The following FHIT variants were observed in gnomAD, a reference collection of about 807,000 sequenced individuals.
FHIT encodes bis(5'-adenosyl)-triphosphatase.
In FHIT, 19 loss-of-function variants were observed where a neutral mutation model predicts 17.9. The observed-to-expected ratio is 1.06, with a 90% CI of 0.74 to 1.56. The LOEUF (loss-of-function observed/expected upper bound fraction) is 1.56, where lower values mean the gene tolerates loss of function less well. Ranked by LOEUF, FHIT falls within the 40% of genes most tolerant of loss-of-function variation. The pLI is 0.00. For missense variants in FHIT, 248 were observed against 189.2 expected (o/e 1.31, Z -1.82); for synonymous variants, 81 against 69.7 (o/e 1.16, Z -0.81).
chr3:60,950,281 G>A (rs1708819356), intron 3 of FHIT, among the ~76,000 whole-genome samples: 1 of 152,042 alleles, frequency 6.6e-6, no homozygotes, highest in African/African-American at 2.4e-5. Context: ...TACTATTAAG[G>A]GGGGAAACAC....
intron 5 of FHIT, among the ~76,000 whole-genome samples, chr3:60,247,378 A>G (rs1416992777): frequency 6.6e-6 from 1 of 152,038 alleles, no homozygotes; most frequent in Non-Finnish European, 1.5e-5. Context: ...AAGAAAGAAG[A>G]AAGAAGATAG....
At chr3:60,463,970 G>A (rs1375814978) in intron 5 of FHIT, among the ~76,000 whole-genome samples, 2 of 152,200 alleles carry the variant, frequency 1.3e-5, no homozygotes, top group East Asian at 1.9e-4. Context: ...GTGTGGCAAA[G>A]AGGGATAACA....
intron 5 of FHIT, among the ~76,000 whole-genome samples, chr3:60,316,203 A>C (rs940248312): frequency 5.9e-5 from 9 of 152,218 alleles, no homozygotes; most frequent in African/African-American, 2.2e-4. Flanking sequence ...ATAAAAATAG[A>C]AACTTGACAG....
intron 5 of FHIT, among the ~76,000 whole-genome samples, chr3:60,224,043 T>C (rs563953882): frequency 6.6e-6 from 1 of 152,186 alleles, no homozygotes; most frequent in African/African-American, 2.4e-5. Flanking sequence ...GTGTGAACTA[T>C]ATATAACTTA....
rs183865992 is a variant in FHIT at position 60,554,659 on chromosome 3, A to T, written c.-17-17680T>A. 2.0e-5 allele frequency among the ~76,000 whole-genome samples: 3 copies of T among 152,348 alleles called. No individual in the cohort carries two copies. In the East Asian group the frequency reaches 5.8e-4, roughly 29 times the overall value. On this transcript the variant is annotated intron_variant, in intron 4 of 9. Transcript: ENST00000492590. ...AAGAAACATTGGGTCTTTTACTTTA[A>T]CACTTCTCACATATTATTTTAAAAA... is the stretch of plus-strand genomic sequence containing the variant.
chr3:60,214,202 T>C (rs1162096702), intron 5 of FHIT, among the ~76,000 whole-genome samples: 1 of 152,102 alleles, frequency 6.6e-6, no homozygotes, highest in African/African-American at 2.4e-5. Flanking sequence ...ACTGCCAAAC[T>C]AAAAAACTTA....
chr3:60,454,325 G>GC (rs1246632674), intron 5 of FHIT, among the ~76,000 whole-genome samples: 1 of 151,766 alleles, frequency 6.6e-6, no homozygotes. Context: ...TGTTCTTGCA[G>GC]CACAAGTCCT....
chr3:59,801,582 G>A (rs911255831), intron 8 of FHIT, among the ~76,000 whole-genome samples: 1 of 152,134 alleles, frequency 6.6e-6, no homozygotes, highest in African/African-American at 2.4e-5. Flanking sequence ...GCCACAGTGT[G>A]AGGAGAATGA....
chr3:60,856,760 T>C (rs1553750093), intron 3 of FHIT, among the ~76,000 whole-genome samples: 1 of 152,044 alleles, frequency 6.6e-6, no homozygotes, highest in African/African-American at 2.4e-5. Context: ...TGTCTTTATC[T>C]CCCACCACAC....
chr3:61,001,595 T>G (rs939083125), intron 3 of FHIT, among the ~76,000 whole-genome samples: 1 of 152,204 alleles, frequency 6.6e-6, no homozygotes, highest in African/African-American at 2.4e-5. Flanking sequence ...ATAGCATTCA[T>G]GAAATATGAT....
At chr3:60,032,511 C>T (rs1177418268) in intron 5 of FHIT, among the ~76,000 whole-genome samples, 5 of 151,974 alleles carry the variant, frequency 3.3e-5, no homozygotes, top group Non-Finnish European at 7.4e-5. Context: ...ATACAAGCGT[C>T]ACCAACAGCC....
intron 5 of FHIT, among the ~76,000 whole-genome samples, chr3:60,067,512 A>T (rs1309758127): frequency 3.9e-4 from 60 of 152,098 alleles, no homozygotes; most frequent in Admixed American, 3.9e-3. Context: ...TTTCCTCCTT[A>T]CATGATGTAC....
chr3:61,240,993 A>T (rs962028293), intron 1 of FHIT, among the ~76,000 whole-genome samples: 5 of 152,232 alleles, frequency 3.3e-5, no homozygotes, highest in African/African-American at 1.2e-4. Context: ...AAAGTGGTAG[A>T]CTACATCCAG....
chr3:60,421,200 T>C (rs1171568779), intron 5 of FHIT, among the ~76,000 whole-genome samples: 1 of 152,092 alleles, frequency 6.6e-6, no homozygotes, highest in Non-Finnish European at 1.5e-5. Context: ...TGGCTTGACT[T>C]CTGCTGCTTT....
chr3:61,208,080 G>T (rs550883223), intron 1 of FHIT, among the ~76,000 whole-genome samples: 2 of 152,150 alleles, frequency 1.3e-5, no homozygotes, highest in Admixed American at 6.5e-5. Context: ...GTACCCCATA[G>T]TCACTCAGGA....
Position 60,590,411 on chromosome 3 carries a change from C to G in FHIT, c.-17-53432G>C, listed in dbSNP as rs150472728. Among the ~76,000 whole-genome samples, 513 of 152,170 alleles carry G rather than the reference C, an allele frequency of 3.4e-3. 4 individuals are homozygous for G. Among genetic ancestry groups the G allele is most frequent in the African/African-American group, 0.012 (482 of 41,560 alleles). ...CACTCCACCCCCAGAGAATAACAGA[C>G]AACATGCTGTTTCTTCCAGTAATTC... On this transcript the variant is annotated intron_variant, in intron 4 of 9. Coordinates refer to ENST00000492590, the MANE Select transcript of FHIT (RefSeq NM_002012.4).
chr3:60,737,232 C>T (rs782537654), intron 4 of FHIT, among the ~76,000 whole-genome samples: 26 of 152,144 alleles, frequency 1.7e-4, no homozygotes, highest in South Asian at 4.1e-4. Flanking sequence ...CATTATGAGC[C>T]GGATGCATTG....
chr3:60,049,149 T>C (rs1701771227), intron 5 of FHIT, among the ~76,000 whole-genome samples: 2 of 152,220 alleles, frequency 1.3e-5, no homozygotes, highest in Non-Finnish European at 2.9e-5. Flanking sequence ...TGTGTTTTTA[T>C]GAAAAATAAA....
intron 8 of FHIT, among the ~76,000 whole-genome samples, chr3:59,865,217 G>T (rs1702589877): frequency 6.6e-6 from 1 of 152,214 alleles, no homozygotes; most frequent in Non-Finnish European, 1.5e-5. Flanking sequence ...AATTAATACT[G>T]TGGGATTAGC....
Sources: gnomAD v4.1 joint callset for allele counts (sites outside exome capture counted in the v4.1 genomes callset) on GRCh38, gnomAD v4.1.1 for gene constraint, MANE v1.5 for transcripts, NCBI Gene and HGNC (gene_info 2026-07-23, HGNC 2026-07-21) for gene names.